Variants in RAB11FIP5 observed in about 807,000 individuals in gnomAD.
The protein encoded by RAB11FIP5 is RAB11 family interacting protein 5, also known as rab11 family-interacting protein 5.
In RAB11FIP5, 48 loss-of-function variants were observed where a neutral mutation model predicts 85.1. That is an observed-to-expected ratio of 0.56 (90% CI 0.45 to 0.72). RAB11FIP5 has a LOEUF of 0.72. Among genes scored for constraint, RAB11FIP5 ranks in the 30% least tolerant of loss-of-function variants. RAB11FIP5 has a pLI of 0.00. For missense variants in RAB11FIP5, 1,491 were observed against 1,687.0 expected, an observed-to-expected ratio of 0.88 and a Z score of 2.04; for synonymous variants, 729 against 727.3, an observed-to-expected ratio of 1.00 and a Z score of -0.04.
In RAB11FIP5 at chr2:73,078,791, G is replaced by C. The variant is rs373258649; in HGVS notation, c.3581+860C>G. Among the ~76,000 whole-genome samples, 63 of 152,324 alleles carry C rather than the reference G, an allele frequency of 4.1e-4. No individual in the cohort carries two copies. The East Asian group carries it at 0.011, about 28-fold the overall frequency. ...GTCCTCCTAGAGCGCTATCGTCCCA[G>C]AGGGACTTGCTGCCTTCTAAGTCAC... On this transcript the variant is annotated intron_variant, in intron 4 of 5. Coordinates refer to ENST00000486777, the MANE Select transcript of RAB11FIP5 (RefSeq NM_001371272.1). The surrounding 1 kb of genome is among the most constrained non-coding windows in gnomAD (Gnocchi z 4.4).
rs530196994 is a variant in RAB11FIP5, at chr2:73,089,908, C to A, written c.432-593G>T. ...ACACACACACACACACACACACACA[C>A]ACACACACCTCACTCACACACTGAC... On this transcript the variant is annotated intron_variant, in intron 1 of 5. Transcript: ENST00000486777. The surrounding 1 kb of genome is among the most constrained non-coding windows in gnomAD (Gnocchi z 4.6). Among the ~76,000 whole-genome samples the A allele has an allele frequency of 7.2e-6, 1 of 139,550 alleles. No individual in the cohort carries two copies. Among genetic ancestry groups the A allele is most frequent in the East Asian group, 2.3e-4 (1 of 4,422 alleles). The allele number at this position is 139,550 out of a possible 152,430, so 91.6% of individuals were successfully genotyped here.
chr2:73,076,264 T>G, intron 4 of RAB11FIP5, 82 bp from the exon 5 acceptor site: 5 of 1,314,254 alleles, frequency 3.8e-6, no homozygotes. Context: ...CTGTGGAGCC[T>G]CCAGGTCTGC....
At position 73,098,782 on chromosome 2, in the gene RAB11FIP5, TC is replaced by T. The variant is rs75445203; in HGVS notation, c.432-9468del. 1.6e-4 allele frequency among the ~76,000 whole-genome samples: 25 copies of T among 152,232 alleles called. 1 individual carries two copies. The East Asian group carries it at 4.8e-3, about 29-fold the overall frequency. ...TGGGAGGAAAAATCACATCTTTATT[TC>T]CCCTAATCTCTAACAAAATTTAGCA... is the stretch of plus-strand genomic sequence containing the variant. On this transcript the variant is annotated intron_variant, in intron 1 of 5. Transcript: ENST00000486777.
At position 73,086,456 on chromosome 2, in the gene RAB11FIP5, G is replaced by A. The variant is rs1294197433; in HGVS notation, c.1568+1594C>T. The stretch of plus-strand genomic sequence containing the variant: ...TGACAACCCCACAGACTCACAGCCT[G>A]TGGGAGTCCAAGCCCAAAGCCTGGG... On this transcript the variant is annotated intron_variant, in intron 3 of 5. Transcript: ENST00000486777. The surrounding 1 kb of genome is among the most constrained non-coding windows in gnomAD (Gnocchi z 4.4). 6.6e-6 allele frequency among the ~76,000 whole-genome samples: 1 copy of A among 152,188 alleles called. No individual in the cohort carries two copies. Among genetic ancestry groups the A allele is most frequent in the African/African-American group, 2.4e-5 (1 of 41,442 alleles).
At chr2:73,112,290 C>G in intron 1 of RAB11FIP5, 57 bp downstream of exon 1, 1 of 1,433,812 alleles carries the variant, frequency 7.0e-7, no homozygotes, top group Non-Finnish European at 9.1e-7. Context: ...TGATCCCCCA[C>G]CAGCCCCGCC....
At chr2:73,091,283 T>C (rs1277692620) in intron 1 of RAB11FIP5, among the ~76,000 whole-genome samples, 1 of 152,130 alleles carries the variant, frequency 6.6e-6, no homozygotes. Context: ...TTAGCAACAC[T>C]GGGCACCACA....
rs144665120 is a variant in RAB11FIP5, at chr2:73,073,936, G to A, written c.*1585C>T. On this transcript the variant is annotated 3_prime_UTR_variant, in exon 6 of 6. Coordinates refer to ENST00000486777, the MANE Select transcript of RAB11FIP5 (RefSeq NM_001371272.1). The stretch of plus-strand genomic sequence containing the variant: ...AGCCCACAGGCCCTCTCCTGAAGAA[G>A]TGGTGGTCCCAGAGGAGCTCTTGCC... 19 of 152,326 alleles carry A rather than the reference G, an allele frequency of 1.2e-4. No individual in the cohort carries two copies. The highest frequency in any genetic ancestry group is 3.4e-3 in the Middle Eastern group (1 of 294). The allele number at this position is 152,326 out of a possible 1,614,324, so 9.4% of individuals were successfully genotyped here.
intron 1 of RAB11FIP5, among the ~76,000 whole-genome samples, chr2:73,094,763 C>A (rs1684285360): frequency 6.6e-6 from 1 of 152,174 alleles, no homozygotes; most frequent in Non-Finnish European, 1.5e-5. Context: ...GTAAGGCTTG[C>A]CTTCCCAAGT....
Position 73,094,120 on chromosome 2 carries a change from CAA to C in RAB11FIP5, c.432-4807_432-4806del, listed in dbSNP as rs550613252. On this transcript the variant is annotated intron_variant, in intron 1 of 5. Transcript: ENST00000486777. ...TGGGCAACAGAGTGAGACTTTGTCTCAAAAAAAAAAAAAAAAAAAAAAAAATC... is the reference window on the plus strand; with the variant it reads ...TGGGCAACAGAGTGAGACTTTGTCTCAAAAAAAAAAAAAAAAAAAAAAATC... 4.6e-3 allele frequency among the ~76,000 whole-genome samples: 387 copies of C among 84,634 alleles called. 4 individuals carry two copies. The highest frequency in any genetic ancestry group is 0.012 in the African/African-American group (338 of 27,140). 55.5% of individuals were successfully genotyped at this position (84,634 alleles called of 152,430 possible). A position where few individuals can be genotyped will look rare whatever the true frequency, so the allele number is the denominator to read the frequency against.
Position 73,081,588 on chromosome 2 carries a change from C to T in RAB11FIP5, c.1644G>A (p.Pro548=), listed in dbSNP as rs553176999. 8.3e-6 allele frequency: 10 copies of T among 1,209,714 alleles called. No individual in the cohort carries two copies. In the African/African-American group the frequency reaches 9.4e-5, roughly 11 times the overall value. The allele number at this position is 1,209,714 out of a possible 1,614,324, so 74.9% of individuals were successfully genotyped here. The change falls in exon 4 of 6, where the codon CCG becomes CCA. Residue 548 remains proline, a synonymous_variant. Transcript: ENST00000486777. This position sits in a 1 kb window ranked among gnomAD's most constrained non-coding sequence, Gnocchi z 4.2. ...PHHLPCSPWA[P]APPTPAPTAA... Reference sequence around the variant, plus strand: ...CAGTGGGAGCAGGAGTGGGAGGGGCCGGAGCCCAGGGGGAGCAGGGGAGGT... The same window carrying T: ...CAGTGGGAGCAGGAGTGGGAGGGGCTGGAGCCCAGGGGGAGCAGGGGAGGT...
chr2:73,092,373 G>T (rs746109050), intron 1 of RAB11FIP5, among the ~76,000 whole-genome samples: 1 of 152,214 alleles, frequency 6.6e-6, no homozygotes, highest in Non-Finnish European at 1.5e-5. Context: ...TGAGGGGACC[G>T]GGGCCCTGTG....
intron 3 of RAB11FIP5, among the ~76,000 whole-genome samples, chr2:73,085,135 C>T (rs1639005771): frequency 1.3e-5 from 2 of 152,166 alleles, no homozygotes; most frequent in Non-Finnish European, 2.9e-5. Flanking sequence ...CCACTGGGAG[C>T]ACATTATAGT....
rs116262166 is a variant in RAB11FIP5, at chr2:73,083,069, C to T, written c.1569-1406G>A. Among the ~76,000 whole-genome samples, 1,170 of 152,350 alleles carry T rather than the reference C, an allele frequency of 7.7e-3. 22 individuals are homozygous for T. The highest frequency in any genetic ancestry group is 0.025 in the African/African-American group (1,054 of 41,564). Reference sequence around the variant, plus strand: ...TATCCTGGGGAAACCCCTACACATCCGACTTTTCAAGCCAACCAGCTTCTT... The same window carrying T: ...TATCCTGGGGAAACCCCTACACATCTGACTTTTCAAGCCAACCAGCTTCTT... On this transcript the variant is annotated intron_variant, in intron 3 of 5. Transcript: ENST00000486777.
intron 1 of RAB11FIP5, among the ~76,000 whole-genome samples, chr2:73,093,843 G>A (rs550175850): frequency 1.4e-4 from 22 of 152,300 alleles, no homozygotes; most frequent in Middle Eastern, 3.4e-3. Flanking sequence ...AACCTCGGAC[G>A]CGCATGGTGG....
Position 73,088,721 on chromosome 2 carries a change from C to T in RAB11FIP5, c.897G>A (p.Leu299=), listed in dbSNP as rs765381771. The T allele has an allele frequency of 4.4e-6, 7 of 1,608,520 alleles. No individual in the cohort carries two copies. The African/African-American group carries it at 8.0e-5, about 18-fold the overall frequency. Residue 299 remains leucine (L), a synonymous_variant, in exon 3 of 6, where the codon CTG becomes CTA. Coordinates refer to ENST00000486777, the MANE Select transcript of RAB11FIP5 (RefSeq NM_001371272.1). ...CGCTGTAGGTCCTCTTATGGGTGAA[C>T]AGCTTGGGGGACTGTGCAGAGTCCC... ...GGRDSAQSPK[L]FTHKRTYSDE... is the part of the protein sequence containing the mutation.
In RAB11FIP5 at chr2:73,074,377, C is replaced by G. The variant is rs1403539407; in HGVS notation, c.*1144G>C. On this transcript the variant is annotated 3_prime_UTR_variant, in exon 6 of 6. Coordinates refer to ENST00000486777, the MANE Select transcript of RAB11FIP5 (RefSeq NM_001371272.1). The stretch of plus-strand genomic sequence containing the variant: ...GCCCGCCTGCCCAGCAGTGTTTATC[C>G]TGGGATCCTCCTATTGGGGTTGAGG... 1 of 152,482 alleles carries G rather than the reference C, an allele frequency of 6.6e-6. No individual in the cohort carries two copies. The highest frequency in any genetic ancestry group is 6.5e-5 in the Admixed American group (1 of 15,290). The allele number at this position is 152,482 out of a possible 1,614,324, so 9.4% of individuals were successfully genotyped here. A position where few individuals can be genotyped will look rare whatever the true frequency, so the allele number is the denominator to read the frequency against.
At position 73,075,623 on chromosome 2, in the gene RAB11FIP5, G is replaced by A. The variant is rs17008666; in HGVS notation, c.3873C>T (p.Asp1291=). ...AGCTCTCCAGCTCCTGCACATGCTCGTCCCGCTGGCTCAGCTCCCGCTCCC... is the reference window on the plus strand; with the variant it reads ...AGCTCTCCAGCTCCTGCACATGCTCATCCCGCTGGCTCAGCTCCCGCTCCC... ...LQRERELSQR[D]EHVQELESYI... Residue 1291 remains aspartate (D), a synonymous_variant, in exon 6 of 6, where the codon GAC becomes GAT. Coordinates refer to ENST00000486777, the MANE Select transcript of RAB11FIP5 (RefSeq NM_001371272.1). The surrounding 1 kb of genome is among the most constrained non-coding windows in gnomAD (Gnocchi z 4.6). 449 of 1,614,036 alleles carry A rather than the reference G, an allele frequency of 2.8e-4. 2 individuals carry two copies. The African/African-American group carries it at 4.9e-3, about 18-fold the overall frequency.
Position 73,112,338 on chromosome 2 carries a change from C to T in RAB11FIP5, c.431+9G>A, listed in dbSNP as rs1160262666. The T allele has an allele frequency of 1.3e-6, 2 of 1,574,136 alleles. No individual in the cohort carries two copies. Among genetic ancestry groups the T allele is most frequent in the Admixed American group, 3.6e-5 (2 of 54,940 alleles). On this transcript the variant is annotated intron_variant, in intron 1 of 5. Transcript: ENST00000486777. ...TAGCCGTTTCTGTGCCCCCGCGCCCCCTACTCACTGCGTGTGCTGGGCGCG... is the reference window on the plus strand; with the variant it reads ...TAGCCGTTTCTGTGCCCCCGCGCCCTCTACTCACTGCGTGTGCTGGGCGCG...
rs147232984 is a variant in RAB11FIP5, at chr2:73,083,692, G to A, written c.1569-2029C>T. 4.3e-3 allele frequency among the ~76,000 whole-genome samples: 659 copies of A among 152,244 alleles called. 8 individuals are homozygous for A. The highest frequency in any genetic ancestry group is 0.014 in the African/African-American group (592 of 41,530). ...CATTCCAGACAAGCCCCAGGCCAAG[G>A]CACACATGCCTGCTGTGGGGACCAA... On this transcript the variant is annotated intron_variant, in intron 3 of 5. Transcript: ENST00000486777.
Sources: allele counts gnomAD v4.1 joint callset (sites outside exome capture counted in the v4.1 genomes callset), GRCh38; gene constraint gnomAD v4.1.1; non-coding constraint Gnocchi (gnomAD v3.1); transcripts MANE v1.5; gene names NCBI Gene and HGNC (gene_info 2026-07-23, HGNC 2026-07-21).